RERG: variants seen among roughly 807,000 people sequenced by gnomAD.
RERG encodes ras-related and estrogen-regulated growth inhibitor.
A neutral mutation model predicts 23.2 loss-of-function variants in RERG; 25 were observed. The ratio of observed to expected loss-of-function variants is 1.08; its 90% CI spans 0.79 to 1.50. The LOEUF is 1.50. Among genes scored for constraint, RERG ranks in the 40% most tolerant of loss-of-function variants. The pLI, the probability that RERG is intolerant of heterozygous loss-of-function variation, is 0.00. For missense variants in RERG, 253 were observed against 250.1 expected (o/e 1.01, Z -0.08); for synonymous variants, 81 against 89.1 (o/e 0.91, Z 0.51).
intron 2 of RERG, among the ~76,000 whole-genome samples, chr12:15,206,982 C>A (rs1030586516): frequency 2.0e-5 from 3 of 152,036 alleles, no homozygotes; most frequent in African/African-American, 7.2e-5. Context: ...CCCCAGCTCA[C>A]CTTTGTTATG....
chr12:15,171,020 T>C (rs1211428314), intron 2 of RERG, among the ~76,000 whole-genome samples: 1 of 152,210 alleles, frequency 6.6e-6, no homozygotes. Context: ...ATTTAATTGG[T>C]GCATTTATTG....
At chr12:15,136,742 C>A (rs758809145) in intron 2 of RERG, among the ~76,000 whole-genome samples, 50 of 151,884 alleles carry the variant, frequency 3.3e-4, no homozygotes, top group Non-Finnish European at 6.5e-4. Flanking sequence ...TAGCTTAATT[C>A]CATTGTGGTC....
At chr12:15,134,063 C>T in intron 2 of RERG, among the ~76,000 whole-genome samples, 1 of 149,128 alleles carries the variant, frequency 6.7e-6, no homozygotes, top group Non-Finnish European at 1.5e-5. Context: ...TTATGATTCT[C>T]TAGACAGTGT....
intron 2 of RERG, among the ~76,000 whole-genome samples, chr12:15,203,099 T>C (rs761495889): frequency 1.3e-5 from 2 of 151,764 alleles, no homozygotes; most frequent in South Asian, 4.1e-4. Context: ...CTGCTGGCCA[T>C]ATCTATGTCT....
intron 2 of RERG, among the ~76,000 whole-genome samples, chr12:15,124,828 G>A (rs1280737817): frequency 6.6e-6 from 1 of 151,592 alleles, no homozygotes; most frequent in Non-Finnish European, 1.5e-5. Flanking sequence ...AAAATGGCCA[G>A]GACAGATTTT....
At chr12:15,217,292 A>G (rs1865452920) in intron 2 of RERG, 137 bp downstream of exon 2, 4 of 665,894 alleles carry the variant, frequency 6.0e-6, no homozygotes, top group Non-Finnish European at 1.1e-5. Context: ...TTCTAGATGA[A>G]GAGACTTTAT....
At chr12:15,114,322 C>T (rs774300467) in intron 3 of RERG, among the ~76,000 whole-genome samples, 6 of 151,964 alleles carry the variant, frequency 3.9e-5, no homozygotes, top group Non-Finnish European at 5.9e-5. Flanking sequence ...GACTGGAGAA[C>T]ATATTTGAAA....
intron 2 of RERG, chr12:15,217,125 A>T (rs1308237300): frequency 3.6e-6 from 1 of 278,098 alleles, no homozygotes; most frequent in Non-Finnish European, 6.7e-6. Flanking sequence ...GAACAAATAT[A>T]TATTTTTTAA....
intron 2 of RERG, among the ~76,000 whole-genome samples, chr12:15,176,442 A>C (rs1436936413): frequency 6.6e-6 from 1 of 152,068 alleles, no homozygotes; most frequent in Non-Finnish European, 1.5e-5. Context: ...AACATGTGGT[A>C]CCCAGAGCCA....
intron 2 of RERG, chr12:15,155,345 G>A (rs67581511): frequency 0.19 from 29,313 of 152,162 alleles, 3,185 homozygotes; most frequent in Middle Eastern, 0.26. Flanking sequence ...TAAGGTTTCC[G>A]CAAAGCAAAT....
chr12:15,131,959 G>C (rs569540304), intron 2 of RERG, among the ~76,000 whole-genome samples: 4 of 152,080 alleles, frequency 2.6e-5, no homozygotes, highest in Non-Finnish European at 4.4e-5. Context: ...GTGAAATAAG[G>C]GTGTCAGTGG....
intron 2 of RERG, among the ~76,000 whole-genome samples, chr12:15,136,618 A>T (rs1864148642): frequency 6.6e-6 from 1 of 151,934 alleles, no homozygotes; most frequent in Admixed American, 6.6e-5. Flanking sequence ...ATTTAGTTCA[A>T]ATTATTTTAA....
intron 3 of RERG, among the ~76,000 whole-genome samples, chr12:15,113,227 A>G (rs1369953607): frequency 6.6e-6 from 1 of 152,196 alleles, no homozygotes; most frequent in African/African-American, 2.4e-5. Flanking sequence ...AATCTAGAAA[A>G]AGTGAACTAG....
intron 4 of RERG, among the ~76,000 whole-genome samples, chr12:15,110,689 AG>A (rs1863597729): frequency 6.6e-6 from 1 of 151,908 alleles, no homozygotes; most frequent in Non-Finnish European, 1.5e-5. Context: ...CATGTTAGCC[AG>A]GATGGTCTCG....
At chr12:15,158,325 A>G (rs142106487) in intron 2 of RERG, among the ~76,000 whole-genome samples, 113 of 152,050 alleles carry the variant, frequency 7.4e-4, no homozygotes, top group African/African-American at 2.6e-3. Flanking sequence ...TCTGTCATCC[A>G]GGCTGGAACA....
intron 2 of RERG, among the ~76,000 whole-genome samples, chr12:15,191,320 G>T (rs1865068154): frequency 6.6e-6 from 1 of 152,058 alleles, no homozygotes; most frequent in South Asian, 2.1e-4. Flanking sequence ...TCATCTCTAT[G>T]CAATCAAGCA....
intron 2 of RERG, among the ~76,000 whole-genome samples, chr12:15,149,026 G>A (rs140231000): frequency 0.041 from 6,191 of 151,296 alleles, 464 homozygotes; most frequent in African/African-American, 0.14. Context: ...CCGCCACCAC[G>A]CCCGGCTAAT....
chr12:15,167,444 C>T (rs1403224915), intron 2 of RERG, among the ~76,000 whole-genome samples: 4 of 152,144 alleles, frequency 2.6e-5, no homozygotes, highest in Admixed American at 1.3e-4. Flanking sequence ...TGCTGGACCC[C>T]GGCCCCGGGG....
chr12:15,141,215 G>A (rs2136101878), intron 2 of RERG, among the ~76,000 whole-genome samples: 1 of 151,140 alleles, frequency 6.6e-6, no homozygotes, highest in Admixed American at 6.6e-5. Flanking sequence ...CAGTGCAGTG[G>A]AGCAGTCTCG....
Sources: gnomAD v4.1 joint callset for allele counts (sites outside exome capture counted in the v4.1 genomes callset) on GRCh38, gnomAD v4.1.1 for gene constraint, MANE v1.5 for transcripts, NCBI Gene and HGNC (gene_info 2026-07-23, HGNC 2026-07-21) for gene names.